Variants in LPP observed in about 807,000 individuals in gnomAD.
LPP encodes lipoma-preferred partner.
LPP carries 38 observed loss-of-function variants against 60.4 expected under a neutral mutation model. That is an observed-to-expected ratio of 0.63 (90% CI 0.49 to 0.83). The LOEUF is 0.83. Ranked by LOEUF, LPP falls within the 40% of genes least tolerant of loss-of-function variation. The pLI is 0.00. For missense variants in LPP, 902 were observed against 783.6 expected, an observed-to-expected ratio of 1.15 and a Z score of -1.80; for synonymous variants, 328 against 290.8, an observed-to-expected ratio of 1.13 and a Z score of -1.30.
At chr3:188,625,148 T>C (rs1332348682) in intron 7 of LPP, among the ~76,000 whole-genome samples, 2 of 152,168 alleles carry the variant, frequency 1.3e-5, no homozygotes, top group Non-Finnish European at 2.9e-5. Context: ...AATACTCTTC[T>C]AGAACATAAT....
At chr3:188,736,038 A>G (rs907163753) in intron 8 of LPP, among the ~76,000 whole-genome samples, 3 of 152,236 alleles carry the variant, frequency 2.0e-5, no homozygotes, top group African/African-American at 7.2e-5. Context: ...TCATCAAAAA[A>G]GTAGTGTTTT....
At chr3:188,472,285 G>T (rs1802040471) in intron 4 of LPP, among the ~76,000 whole-genome samples, 1 of 152,024 alleles carries the variant, frequency 6.6e-6, no homozygotes, top group Non-Finnish European at 1.5e-5. Flanking sequence ...AACAGCCAGT[G>T]ACCTTTTAAT....
chr3:188,592,407 T>C (rs1580230347), intron 6 of LPP, among the ~76,000 whole-genome samples: 1 of 151,652 alleles, frequency 6.6e-6, no homozygotes, highest in East Asian at 1.9e-4. Flanking sequence ...CAGATACAAG[T>C]ATACATAGAA....
chr3:188,888,601 T>G lies in LPP; in HGVS notation c.*14122T>G, dbSNP rs191996922. The G allele has an allele frequency of 3.6e-5, 8 of 224,148 alleles. No homozygotes were observed. The East Asian group carries it at 5.1e-4, about 14-fold the overall frequency. The allele number at this position is 224,148 out of a possible 1,614,324, so 13.9% of individuals were successfully genotyped here. ...AAATATAGGCTCTATTAACTTTACTTTTAGATTTACTGCCTTCAAAAAGTG... is the reference window on the plus strand; with the variant it reads ...AAATATAGGCTCTATTAACTTTACTGTTAGATTTACTGCCTTCAAAAAGTG... On this transcript the variant is annotated 3_prime_UTR_variant, in exon 12 of 12. Coordinates refer to ENST00000617246, the MANE Select transcript of LPP (RefSeq NM_001375462.1).
At chr3:188,285,395 T>A (rs1174741689) in intron 2 of LPP, among the ~76,000 whole-genome samples, 2 of 152,052 alleles carry the variant, frequency 1.3e-5, no homozygotes, top group Non-Finnish European at 2.9e-5. Context: ...GATAGTATGG[T>A]TACTGAATGT....
chr3:188,311,223 G>T (rs552210780), intron 2 of LPP, among the ~76,000 whole-genome samples: 1 of 151,152 alleles, frequency 6.6e-6, no homozygotes, highest in African/African-American at 2.4e-5. Context: ...GTCAAATCCC[G>T]GCACTATGGG....
At chr3:188,867,564 A>G (rs1327841281) in intron 10 of LPP, among the ~76,000 whole-genome samples, 2 of 152,032 alleles carry the variant, frequency 1.3e-5, no homozygotes, top group African/African-American at 2.4e-5. Context: ...GGCTGGTCTC[A>G]AACTCCTGTC....
At chr3:188,735,472 C>T (rs1185101369) in intron 8 of LPP, among the ~76,000 whole-genome samples, 2 of 152,056 alleles carry the variant, frequency 1.3e-5, no homozygotes, top group Non-Finnish European at 2.9e-5. Context: ...ACCTCTGCCT[C>T]CTGGGTTCAA....
At chr3:188,682,209 G>A (rs1054697080) in intron 7 of LPP, among the ~76,000 whole-genome samples, 3 of 152,056 alleles carry the variant, frequency 2.0e-5, no homozygotes, top group Admixed American at 2.0e-4. Context: ...TTTGTCTTCT[G>A]GGAATTTGCT....
At chr3:188,261,437 C>T (rs893639697) in intron 2 of LPP, among the ~76,000 whole-genome samples, 5 of 152,114 alleles carry the variant, frequency 3.3e-5, no homozygotes, top group African/African-American at 9.7e-5. Context: ...ACTGCAGGTG[C>T]TATCATTTAT....
intron 9 of LPP, among the ~76,000 whole-genome samples, chr3:188,779,252 G>A (rs566531065): frequency 6.6e-6 from 1 of 152,084 alleles, no homozygotes; most frequent in Non-Finnish European, 1.5e-5. Flanking sequence ...GAGAGATAGG[G>A]GTATTGCAGA....
chr3:188,416,563 G>A lies in LPP; in HGVS notation c.193+10250G>A, dbSNP rs138000053. 6.6e-5 allele frequency among the ~76,000 whole-genome samples: 10 copies of A among 152,186 alleles called. 1 individual carries two copies. The highest frequency in any genetic ancestry group is 4.6e-4 in the Admixed American group (7 of 15,290). On this transcript the variant is annotated intron_variant, in intron 4 of 11. Coordinates refer to ENST00000617246, the MANE Select transcript of LPP (RefSeq NM_001375462.1). ...GTCCTGAGAGTGTACTCTTCCTCCCGTAGTTAATGATGGTAGCTTTTGAAG... is the reference window on the plus strand; with the variant it reads ...GTCCTGAGAGTGTACTCTTCCTCCCATAGTTAATGATGGTAGCTTTTGAAG...
At chr3:188,233,593 A>G (rs1720843586) in intron 2 of LPP, among the ~76,000 whole-genome samples, 2 of 152,168 alleles carry the variant, frequency 1.3e-5, no homozygotes, top group African/African-American at 4.8e-5. Context: ...GGCTGCAGCC[A>G]CTCTATGATG....
chr3:188,753,580 C>CATGTGT (rs1553829910), intron 8 of LPP, among the ~76,000 whole-genome samples: 2 of 139,630 alleles, frequency 1.4e-5, no homozygotes, highest in Admixed American at 7.2e-5. Context: ...TTGTTGTGTG[C>CATGTGT]GTGTGTGTGT....
At chr3:188,830,611 C>CAA (rs369234880) in intron 9 of LPP, among the ~76,000 whole-genome samples, 4 of 143,072 alleles carry the variant, frequency 2.8e-5, no homozygotes, top group African/African-American at 1.0e-4. Context: ...TCTCAAAAAA[C>CAA]AAAAAAAAAA....
At chr3:188,614,940 A>T (rs990174081) in intron 7 of LPP, among the ~76,000 whole-genome samples, 2 of 152,142 alleles carry the variant, frequency 1.3e-5, no homozygotes, top group African/African-American at 4.8e-5. Flanking sequence ...CATCAGTCAC[A>T]TAAAATTTGT....
At chr3:188,515,705 A>G (rs1817160967) in intron 5 of LPP, among the ~76,000 whole-genome samples, 1 of 152,222 alleles carries the variant, frequency 6.6e-6, no homozygotes. Context: ...CATGTGGAGA[A>G]GATGTCCTTC....
intron 2 of LPP, among the ~76,000 whole-genome samples, chr3:188,324,395 C>G (rs1358639095): frequency 2.6e-5 from 4 of 152,294 alleles, no homozygotes; most frequent in Non-Finnish European, 5.9e-5. Flanking sequence ...TCTCCTAGAG[C>G]CTTGGTTCTC....
intron 2 of LPP, among the ~76,000 whole-genome samples, chr3:188,260,130 C>G (rs1483013039): frequency 6.6e-6 from 1 of 152,022 alleles, no homozygotes; most frequent in Non-Finnish European, 1.5e-5. Context: ...ACCCCTGCCT[C>G]CCAGGTTCAA....
Sources: allele counts gnomAD v4.1 joint callset (sites outside exome capture counted in the v4.1 genomes callset), GRCh38; gene constraint gnomAD v4.1.1; transcripts MANE v1.5; gene names NCBI Gene and HGNC (gene_info 2026-07-23, HGNC 2026-07-21).